Variants in JAK1 observed in about 807,000 individuals in gnomAD.
The protein encoded by JAK1 is Janus kinase 1.
Under a neutral mutation model 136.6 loss-of-function variants are expected in JAK1, and 16 were observed. The ratio of observed to expected loss-of-function variants is 0.12; its 90% CI spans 0.08 to 0.18. JAK1 has a LOEUF of 0.18. Among genes scored for constraint, JAK1 ranks in the 10% least tolerant of loss-of-function variants. The pLI, the probability that JAK1 is intolerant of heterozygous loss-of-function variation, is 1.00. For missense variants in JAK1, 859 were observed against 1,450.1 expected, an observed-to-expected ratio of 0.59 and a Z score of 6.62; for synonymous variants, 492 against 519.5, an observed-to-expected ratio of 0.95 and a Z score of 0.72.
chr1:65,020,040 A>G (rs939061325), intron 2 of JAK1, among the ~76,000 whole-genome samples: 8 of 152,082 alleles, frequency 5.3e-5, no homozygotes, highest in Non-Finnish European at 7.4e-5. Flanking sequence ...AGCCTGGCCA[A>G]CATGGTGAAA....
intron 1 of JAK1, among the ~76,000 whole-genome samples, chr1:64,915,398 G>A (rs1434538245): frequency 6.6e-6 from 1 of 152,138 alleles, no homozygotes; most frequent in African/African-American, 2.4e-5. Flanking sequence ...AATGGCAAAA[G>A]CTGATAACCA....
rs377528811 is a variant in JAK1, at chr1:65,001,645, G to C, written c.-78+42835C>G. Among the ~76,000 whole-genome samples, 28 of 145,730 alleles carry C rather than the reference G, an allele frequency of 1.9e-4. 5 individuals carry two copies. The highest frequency in any genetic ancestry group is 2.8e-4 in the Admixed American group (4 of 14,526). On this transcript the variant is annotated intron_variant, in intron 2 of 25. Coordinates refer to the JAK1 transcript ENST00000671954. ...TTGAGAGGCAGCAAATGTGTGTGTT[G>C]TATGTGTGTTTGAGAGGTAGAAAGT...
At chr1:64,958,971 T>C (rs760976629) in intron 1 of JAK1, among the ~76,000 whole-genome samples, 1 of 152,256 alleles carries the variant, frequency 6.6e-6, no homozygotes, top group Admixed American at 6.5e-5. Context: ...CCTAAATTTA[T>C]GTTTTAAATA....
At chr1:64,999,436 T>C (rs1646732742) in intron 2 of JAK1, among the ~76,000 whole-genome samples, 1 of 152,204 alleles carries the variant, frequency 6.6e-6, no homozygotes, top group African/African-American at 2.4e-5. Context: ...CTTCTCAATC[T>C]GTTGGTCTCA....
intron 1 of JAK1, among the ~76,000 whole-genome samples, chr1:64,930,233 A>C (rs980844685): frequency 5.3e-5 from 8 of 152,248 alleles, no homozygotes; most frequent in Non-Finnish European, 8.8e-5. Context: ...GAATGGGAGA[A>C]AAATTTTGCA....
In JAK1 at chr1:65,004,270, G is replaced by A. The variant is rs1646786211; in HGVS notation, c.-78+40210C>T. Reference sequence around the variant, plus strand: ...GTACTTTCTTATTCACACAAAATATGTGAAGAAAAGGAGGAAGAGGAGGAG... The same window carrying A: ...GTACTTTCTTATTCACACAAAATATATGAAGAAAAGGAGGAAGAGGAGGAG... On this transcript the variant is annotated intron_variant, in intron 2 of 25. Coordinates refer to the JAK1 transcript ENST00000671954. 2.0e-5 allele frequency among the ~76,000 whole-genome samples: 3 copies of A among 152,194 alleles called. No homozygotes were observed. In the South Asian group the frequency reaches 6.2e-4, roughly 31 times the overall value.
At chr1:64,985,166 A>G (rs1646586673) in intron 2 of JAK1, 1 of 1,400,490 alleles carries the variant, frequency 7.1e-7, no homozygotes, top group Non-Finnish European at 1.0e-6. Flanking sequence ...CCACACCCAC[A>G]CCAATGGTGA....
At chr1:65,026,488 GC>G (rs1284043156) in intron 2 of JAK1, among the ~76,000 whole-genome samples, 1 of 152,032 alleles carries the variant, frequency 6.6e-6, no homozygotes, top group Non-Finnish European at 1.5e-5. Flanking sequence ...AAAGCACGCT[GC>G]CCCCCTGGAT....
rs895209334 is a variant in JAK1, at chr1:64,850,154, C to T, written c.1755+650G>A. Reference sequence around the variant, plus strand: ...GCACCATCTCCCTGATACCCCAACGCGTGGCCCTATGCAACAGGGCTGGGG... The same window carrying T: ...GCACCATCTCCCTGATACCCCAACGTGTGGCCCTATGCAACAGGGCTGGGG... On this transcript the variant is annotated intron_variant, in intron 12 of 24. Transcript: ENST00000342505. Among the ~76,000 whole-genome samples the T allele has an allele frequency of 4.6e-5, 7 of 152,262 alleles. 2 individuals carry two copies. In the South Asian group the frequency reaches 1.0e-3, roughly 23 times the overall value.
chr1:64,958,350 C>T (rs1646227634), intron 1 of JAK1, among the ~76,000 whole-genome samples: 1 of 152,218 alleles, frequency 6.6e-6, no homozygotes, highest in Admixed American at 6.5e-5. Context: ...GGAGTTACCA[C>T]CATACATCAA....
chr1:64,989,372 A>T (rs575228567), intron 2 of JAK1: 1 of 145,424 alleles, frequency 6.9e-6, no homozygotes, highest in Non-Finnish European at 1.5e-5. Context: ...AATAAATAAA[A>T]TAAACTCAAA....
intron 9 of JAK1, among the ~76,000 whole-genome samples, chr1:64,859,371 C>A (rs1220043586): frequency 6.6e-6 from 1 of 152,234 alleles, no homozygotes; most frequent in Admixed American, 6.5e-5. Flanking sequence ...ACTACAGCTC[C>A]ATATCAGAAA....
intron 2 of JAK1, among the ~76,000 whole-genome samples, chr1:65,037,857 C>A (rs1363103614): frequency 6.6e-6 from 1 of 152,114 alleles, no homozygotes. Context: ...CAGAGTGAGA[C>A]CTTGTTTCTG....
chr1:64,877,921 T>C (rs1321949539), intron 4 of JAK1, among the ~76,000 whole-genome samples: 6 of 152,164 alleles, frequency 3.9e-5, no homozygotes, highest in African/African-American at 4.8e-5. Flanking sequence ...TGGTTAAGCA[T>C]AGAAAGAAGA....
At chr1:64,967,043 T>C (rs544412142), upstream of JAK1, among the ~76,000 whole-genome samples, 107 of 151,578 alleles carry the variant, frequency 7.1e-4, no homozygotes, top group South Asian at 1.5e-3. Flanking sequence ...CCATTCCGTA[T>C]TTTAAAAGCT....
intron 10 of JAK1, among the ~76,000 whole-genome samples, chr1:64,856,084 G>A (rs1655911405): frequency 6.6e-6 from 1 of 152,144 alleles, no homozygotes; most frequent in Non-Finnish European, 1.5e-5. Flanking sequence ...ATAAAGTCCA[G>A]CAGATATTAT....
chr1:65,030,908 C>T (rs2100813425), intron 2 of JAK1, among the ~76,000 whole-genome samples: 2 of 152,014 alleles, frequency 1.3e-5, no homozygotes, highest in South Asian at 4.2e-4. Flanking sequence ...GGTCCCAGGA[C>T]TTTGGGGGGC....
chr1:64,931,640 G>A (rs776786751), intron 1 of JAK1, among the ~76,000 whole-genome samples: 1 of 152,086 alleles, frequency 6.6e-6, no homozygotes, highest in Non-Finnish European at 1.5e-5. Context: ...TTGGGGTAAA[G>A]GAGGCAATCC....
At chr1:65,026,737 G>A (rs534696533) in intron 2 of JAK1, among the ~76,000 whole-genome samples, 59 of 152,170 alleles carry the variant, frequency 3.9e-4, no homozygotes, top group African/African-American at 1.3e-3. Flanking sequence ...GGCAGAGGGC[G>A]GGCAGATCAC....
Sources: allele counts gnomAD v4.1 joint callset (sites outside exome capture counted in the v4.1 genomes callset), GRCh38; gene constraint gnomAD v4.1.1; transcripts MANE v1.5; gene names NCBI Gene and HGNC (gene_info 2026-07-23, HGNC 2026-07-21).